The following WHAMM variants were observed in gnomAD, a reference collection of about 807,000 sequenced individuals.
WHAMM encodes the protein WASP homolog associated with actin, golgi membranes and microtubules.
Under a neutral mutation model 76.5 loss-of-function variants are expected in WHAMM, and 67 were observed. The observed-to-expected ratio is 0.88, with a 90% CI of 0.72 to 1.07. The LOEUF is 1.07. Ranked by LOEUF, WHAMM falls within the 50% of genes least tolerant of loss-of-function variation. The pLI, the probability that WHAMM is intolerant of heterozygous loss-of-function variation, is 0.00. For missense variants in WHAMM, 1,021 were observed against 1,051.1 expected (o/e 0.97, Z 0.40); for synonymous variants, 419 against 422.1 (o/e 0.99, Z 0.09).
rs2051107482 is a variant in WHAMM at position 82,834,922 on chromosome 15, CTTAAAA to C, written c.*1392_*1397del. On this transcript the variant is annotated 3_prime_UTR_variant, in exon 10 of 10. Coordinates refer to ENST00000286760, the MANE Select transcript of WHAMM (RefSeq NM_001080435.3). The stretch of plus-strand genomic sequence containing the variant: ...AAGTCTCATGCTGAAGTATTTTCTC[CTTAAAA>C]TTAAATTTTTAAAATCAGGGAAGGG... 6.9e-6 allele frequency: 1 copy of C among 145,516 alleles called. No homozygotes were observed. Among genetic ancestry groups the C allele is most frequent in the South Asian group, 2.1e-4 (1 of 4,756 alleles). 9.0% of individuals were successfully genotyped at this position (145,516 alleles called of 1,614,324 possible).
In WHAMM at chr15:82,833,561, C is replaced by T; in HGVS notation, c.*25C>T. ...GGCTCAAGTTTGACAAAGGCACCTGCCACAGTAGGCTTGAATAAAGTGGGT... is the reference window on the plus strand; with the variant it reads ...GGCTCAAGTTTGACAAAGGCACCTGTCACAGTAGGCTTGAATAAAGTGGGT... On this transcript the variant is annotated 3_prime_UTR_variant, in exon 10 of 10. Transcript: ENST00000286760. 2 of 1,607,664 alleles carry T rather than the reference C, an allele frequency of 1.2e-6. No homozygotes were observed. The highest frequency in any genetic ancestry group is 1.7e-6 in the Non-Finnish European group (2 of 1,177,498).
chr15:82,833,600 A>T lies in WHAMM; in HGVS notation c.*64A>T, dbSNP rs2051075987. On this transcript the variant is annotated 3_prime_UTR_variant, in exon 10 of 10. Coordinates refer to ENST00000286760, the MANE Select transcript of WHAMM (RefSeq NM_001080435.3). Reference sequence around the variant, plus strand: ...AATAAAGTGGGTGAGTCTTAGACCTATCGAAAAGCATACTAACAGGGTGCT... The same window carrying T: ...AATAAAGTGGGTGAGTCTTAGACCTTTCGAAAAGCATACTAACAGGGTGCT... The T allele has an allele frequency of 6.5e-7, 1 of 1,528,022 alleles. No homozygotes were observed. Among genetic ancestry groups the T allele is most frequent in the Non-Finnish European group, 8.8e-7 (1 of 1,133,266 alleles). The allele number at this position is 1,528,022 out of a possible 1,614,324, so 94.7% of individuals were successfully genotyped here. A position where few individuals can be genotyped will look rare whatever the true frequency, so the allele number is the denominator to read the frequency against.
At chr15:82,811,321 T>C (rs1304701223) in intron 1 of WHAMM, among the ~76,000 whole-genome samples, 3 of 152,134 alleles carry the variant, frequency 2.0e-5, no homozygotes, top group Admixed American at 6.5e-5. Flanking sequence ...AACTTTATCG[T>C]CTTCACCTTA....
At position 82,830,812 on chromosome 15, in the gene WHAMM, C is replaced by G. The variant is rs2051014960; in HGVS notation, c.1855C>G (p.Gln619Glu). 1 of 1,609,602 alleles carries G rather than the reference C, an allele frequency of 6.2e-7. No individual in the cohort carries two copies. The highest frequency in any genetic ancestry group is 1.3e-5 in the African/African-American group (1 of 74,952). Residue 619 changes from glutamine (Q) to glutamate (E), a missense_variant, in exon 9 of 10, where the codon CAG becomes GAG. Gln to Glu is a conservative substitution (Grantham distance 29). Transcript: ENST00000286760. Reference protein sequence around the residue: ...CQNCHGNIPVQVFVPVGDQTH... With the variant: ...CQNCHGNIPVEVFVPVGDQTH... ...AAACTGTCATGGAAATATCCCTGTC[C>G]AGGTTTTTGTTCCAGTTGGTGATCA...
intron 1 of WHAMM, 142 bp downstream of exon 1, chr15:82,810,477 C>T (rs2050609604): frequency 8.2e-7 from 1 of 1,224,634 alleles, no homozygotes; most frequent in African/African-American, 1.6e-5. Context: ...CTCCCCAGTG[C>T]CGTCACCTGC....
At chr15:82,815,155 A>ATATATATATAAATAAT (rs55807384) in intron 2 of WHAMM, among the ~76,000 whole-genome samples, 4 of 46,138 alleles carry the variant, frequency 8.7e-5, no homozygotes, top group African/African-American at 3.6e-4. Flanking sequence ...ATATATATAT[A>ATATATATATAAATAAT]GTACAATTCA....
Position 82,826,759 on chromosome 15 carries a change from CAAGAT to C in WHAMM, c.1557_1561del (p.Ile520ArgfsTer25). ...CATTTGTTTAAATATAGAAAAGAGA[CAAGAT>C]AAAAGAAGAGGAGCAAAAGAAAAAA... On this transcript the variant is annotated frameshift_variant, in exon 8 of 10. Coordinates refer to ENST00000286760, the MANE Select transcript of WHAMM (RefSeq NM_001080435.3). LOFTEE classifies it high-confidence loss of function. 2 of 1,542,652 alleles carry C rather than the reference CAAGAT, an allele frequency of 1.3e-6. No individual in the cohort carries two copies. Among genetic ancestry groups the C allele is most frequent in the Non-Finnish European group, 1.7e-6 (2 of 1,144,842 alleles).
At chr15:82,825,446 AC>A (rs1175855161) in intron 6 of WHAMM, among the ~76,000 whole-genome samples, 3 of 151,760 alleles carry the variant, frequency 2.0e-5, no homozygotes, top group Non-Finnish European at 4.4e-5. Context: ...CACTCCCCCT[AC>A]CCCATTTAGA....
In WHAMM at chr15:82,813,350, G is replaced by A. The variant is rs964080854; in HGVS notation, c.783+74G>A. 11 of 1,234,592 alleles carry A rather than the reference G, an allele frequency of 8.9e-6. No homozygotes were observed. In the African/African-American group the frequency reaches 1.4e-4, roughly 16 times the overall value. The allele number at this position is 1,234,592 out of a possible 1,614,324, so 76.5% of individuals were successfully genotyped here. On this transcript the variant is annotated intron_variant, in intron 2 of 9. Coordinates refer to ENST00000286760, the MANE Select transcript of WHAMM (RefSeq NM_001080435.3). ...AATTATTTCTTTATTTACACTTAAT[G>A]TTCAATCTCTGTTTGTACTTTGTTT...
rs748018272 is a variant in WHAMM at position 82,814,800 on chromosome 15, C to T, written c.783+1524C>T. 2.1e-3 allele frequency among the ~76,000 whole-genome samples: 227 copies of T among 108,760 alleles called. 2 individuals carry two copies. Among genetic ancestry groups the T allele is most frequent in the Non-Finnish European group, 3.5e-3 (201 of 56,636 alleles). The allele number at this position is 108,760 out of a possible 152,430, so 71.4% of individuals were successfully genotyped here. A position where few individuals can be genotyped will look rare whatever the true frequency, so the allele number is the denominator to read the frequency against. ...TTTTTTTTTTTTTGAGACAGAGTCT[C>T]GCTCTGTCGCCCAGGCTGGAGTGCA... On this transcript the variant is annotated intron_variant, in intron 2 of 9. Coordinates refer to ENST00000286760, the MANE Select transcript of WHAMM (RefSeq NM_001080435.3).
At position 82,809,632 on chromosome 15, in the gene WHAMM, C is replaced by T. The variant is rs1021509203; in HGVS notation, c.-95C>T. On this transcript the variant is annotated 5_prime_UTR_variant, in exon 1 of 10. Transcript: ENST00000286760. ...GGCACTGACGCGGTTTCGATTCTAG[C>T]GAAAAATGATTTGGCTCGGACTGTC... 2.5e-5 allele frequency: 28 copies of T among 1,123,514 alleles called. No homozygotes were observed. The South Asian group carries it at 6.8e-4, about 27-fold the overall frequency. The allele number at this position is 1,123,514 out of a possible 1,614,324, so 69.6% of individuals were successfully genotyped here. A position where few individuals can be genotyped will look rare whatever the true frequency, so the allele number is the denominator to read the frequency against.
Position 82,833,746 on chromosome 15 carries a change from G to C in WHAMM, c.*210G>C, listed in dbSNP as rs1396739489. The C allele has an allele frequency of 1.7e-6, 1 of 573,112 alleles. No individual in the cohort carries two copies. Among genetic ancestry groups the C allele is most frequent in the South Asian group, 2.2e-5 (1 of 44,628 alleles). The allele number at this position is 573,112 out of a possible 1,614,324, so 35.5% of individuals were successfully genotyped here. A position where few individuals can be genotyped will look rare whatever the true frequency, so the allele number is the denominator to read the frequency against. ...ACTCTGTCGCCCAGGCTGGGGTGCA[G>C]TGGCGCCATCTCGGCTCACCGCAAG... On this transcript the variant is annotated 3_prime_UTR_variant, in exon 10 of 10. Coordinates refer to ENST00000286760, the MANE Select transcript of WHAMM (RefSeq NM_001080435.3).
At chr15:82,821,310 A>G (rs940122459) in intron 5 of WHAMM, among the ~76,000 whole-genome samples, 23 of 152,148 alleles carry the variant, frequency 1.5e-4, no homozygotes, top group African/African-American at 3.4e-4. Flanking sequence ...ATGTCTGGCA[A>G]TATTCTCCAA....
At chr15:82,824,411 T>G (rs1402585155) in intron 6 of WHAMM, among the ~76,000 whole-genome samples, 1 of 152,030 alleles carries the variant, frequency 6.6e-6, no homozygotes, top group Non-Finnish European at 1.5e-5. Flanking sequence ...CACTGCAACC[T>G]TCATCTCCAG....
Position 82,810,249 on chromosome 15 carries a change from G to A in WHAMM, c.523G>A (p.Gly175Ser). The change falls in exon 1 of 10, where the codon GGC (glycine) becomes AGC (serine). Residue 175 changes from glycine (G) to serine (S), a missense_variant. Gly to Ser is a moderately conservative substitution (Grantham distance 56). Coordinates refer to ENST00000286760, the MANE Select transcript of WHAMM (RefSeq NM_001080435.3). Reference sequence around the variant, plus strand: ...CGACGCACTCTTCCCGGCTGAGGGCGGCGCGGCCGACTGCGAAAGCCCGCG... The same window carrying A: ...CGACGCACTCTTCCCGGCTGAGGGCAGCGCGGCCGACTGCGAAAGCCCGCG... Reference protein sequence around the residue: ...VRDALFPAEGGAADCESPREF... With the variant: ...VRDALFPAEGSAADCESPREF... 4 of 1,391,572 alleles carry A rather than the reference G, an allele frequency of 2.9e-6. No homozygotes were observed. The highest frequency in any genetic ancestry group is 3.7e-6 in the Non-Finnish European group (4 of 1,074,198). The allele number at this position is 1,391,572 out of a possible 1,614,324, so 86.2% of individuals were successfully genotyped here. A position where few individuals can be genotyped will look rare whatever the true frequency, so the allele number is the denominator to read the frequency against.
rs3814282 is a variant in WHAMM, at chr15:82,830,913, G to A, written c.1956G>A (p.Pro652=). The A allele has an allele frequency of 0.22, 231,177 of 1,048,546 alleles. 18,445 individuals carry two copies. Among genetic ancestry groups the A allele is most frequent in the South Asian group, 0.34 (27,895 of 82,430 alleles). 65.0% of individuals were successfully genotyped at this position (1,048,546 alleles called of 1,614,324 possible). ...CTCCACCACCACCACCGCCGCCACC[G>A]CCGCCCCCACCCCCTCCTCTCCGTG... is the stretch of plus-strand genomic sequence containing the variant. ...PPPPPPPPPP[P]PPPPPPLRAL... is the part of the protein sequence containing the mutation. Residue 652 remains proline (P), a synonymous_variant, in exon 9 of 10, where the codon CCG becomes CCA. Transcript: ENST00000286760.
At chr15:82,822,989 T>C (rs1388531851) in intron 5 of WHAMM, 111 bp from the exon 6 acceptor site, 2 of 892,408 alleles carry the variant, frequency 2.2e-6, no homozygotes, top group African/African-American at 3.5e-5. Flanking sequence ...TTAATAGTGC[T>C]TCTCAGTGGT....
At chr15:82,823,001 G>T in intron 5 of WHAMM, 99 bp from the exon 6 acceptor site, 1 of 1,010,616 alleles carries the variant, frequency 9.9e-7, no homozygotes, top group Non-Finnish European at 1.3e-6. Flanking sequence ...CTCAGTGGTG[G>T]GATTACAAGT....
Position 82,823,117 on chromosome 15 carries a change from G to A in WHAMM, c.1288G>A (p.Val430Ile). The change falls in exon 6 of 10, where the codon GTC (valine) becomes ATC (isoleucine). Residue 430 changes from valine to isoleucine, a missense_variant. Coordinates refer to ENST00000286760, the MANE Select transcript of WHAMM (RefSeq NM_001080435.3). The stretch of plus-strand genomic sequence containing the variant: ...ATTTTTAGAAAAACAAGATGAAGTT[G>A]TCTATTACGATCCATGTGAAAATCC... Reference protein sequence around the residue: ...RLIKEKQDEVVYYDPCENPEE... With the variant: ...RLIKEKQDEVIYYDPCENPEE... The A allele has an allele frequency of 1.4e-6, 2 of 1,383,018 alleles. No homozygotes were observed. Among genetic ancestry groups the A allele is most frequent in the Non-Finnish European group, 1.9e-6 (2 of 1,054,622 alleles). The allele number at this position is 1,383,018 out of a possible 1,614,324, so 85.7% of individuals were successfully genotyped here.
Sources: gnomAD v4.1 joint callset for allele counts (sites outside exome capture counted in the v4.1 genomes callset) on GRCh38, gnomAD v4.1.1 for gene constraint, MANE v1.5 for transcripts, NCBI Gene and HGNC (gene_info 2026-07-23, HGNC 2026-07-21) for gene names.